SLC4A10: variants seen among roughly 807,000 people sequenced by gnomAD.
SLC4A10 encodes the protein sodium-driven chloride bicarbonate exchanger.
SLC4A10 carries 42 observed loss-of-function variants against 137.7 expected under a neutral mutation model. The ratio of observed to expected loss-of-function variants is 0.30; its 90% CI spans 0.24 to 0.39. The LOEUF is 0.39. Among genes scored for constraint, SLC4A10 ranks in the 10% least tolerant of loss-of-function variants. The probability of loss-of-function intolerance (pLI) is 1.00; values close to 1 mark genes in which losing one functional copy is unlikely to be tolerated. For missense variants in SLC4A10, 925 were observed against 1,355.0 expected, an observed-to-expected ratio of 0.68 and a Z score of 4.98; for synonymous variants, 474 against 464.1, an observed-to-expected ratio of 1.02 and a Z score of -0.27.
chr2:161,933,710 A>G (rs1352762514), intron 15 of SLC4A10, among the ~76,000 whole-genome samples: 1 of 152,110 alleles, frequency 6.6e-6, no homozygotes, highest in Admixed American at 6.6e-5. Flanking sequence ...GCCATGTTTG[A>G]CTTATCCTTT....
chr2:161,896,699 C>CATTTGA (rs1318392917), intron 11 of SLC4A10, among the ~76,000 whole-genome samples: 3 of 151,958 alleles, frequency 2.0e-5, no homozygotes, highest in Admixed American at 6.6e-5. Context: ...TAGCATAACC[C>CATTTGA]ATCAAGAAGA....
intron 1 of SLC4A10, among the ~76,000 whole-genome samples, chr2:161,764,182 A>G (rs571852851): frequency 1.1e-4 from 16 of 152,298 alleles, no homozygotes; most frequent in African/African-American, 3.4e-4. Context: ...CTATAAAATG[A>G]ATAAGAAGGA....
At chr2:161,840,021 T>C (rs537533168) in intron 4 of SLC4A10, 94 bp downstream of exon 4, 4 of 1,448,856 alleles carry the variant, frequency 2.8e-6, no homozygotes, top group Non-Finnish European at 3.8e-6. Context: ...CAAACATCTA[T>C]GATTGCTGCT....
At chr2:161,797,275 A>G (rs1425545736) in intron 2 of SLC4A10, among the ~76,000 whole-genome samples, 1 of 151,964 alleles carries the variant, frequency 6.6e-6, no homozygotes, top group Admixed American at 6.6e-5. Flanking sequence ...TCCTTTTTCT[A>G]AATTTTTCAC....
At position 161,794,555 on chromosome 2, in the gene SLC4A10, G is replaced by T. The variant is rs553610041; in HGVS notation, c.131-9894G>T. The stretch of plus-strand genomic sequence containing the variant: ...ATATACCTAAGGTAGACACACTGAA[G>T]AAGATGGATATATGAAAAAGTCTAA... On this transcript the variant is annotated intron_variant, in intron 2 of 26. Coordinates refer to ENST00000446997, the MANE Select transcript of SLC4A10 (RefSeq NM_001178015.2). Among the ~76,000 whole-genome samples, 7 of 152,220 alleles carry T rather than the reference G, an allele frequency of 4.6e-5. No homozygotes were observed. In the South Asian group the frequency reaches 1.5e-3, roughly 32 times the overall value.
Position 161,664,977 on chromosome 2 carries a change from A to C in SLC4A10, c.48+40411A>C, listed in dbSNP as rs187997937. Among the ~76,000 whole-genome samples the C allele has an allele frequency of 1.9e-3, 282 of 151,968 alleles. 1 individual carries two copies. Among genetic ancestry groups the C allele is most frequent in the African/African-American group, 6.2e-3 (257 of 41,546 alleles). Reference sequence around the variant, plus strand: ...ATTTCACTTTAATGAATGTGCTACAATTAAAATTTGAAACATATTTATAGA... The same window carrying C: ...ATTTCACTTTAATGAATGTGCTACACTTAAAATTTGAAACATATTTATAGA... On this transcript the variant is annotated intron_variant, in intron 1 of 26. Coordinates refer to ENST00000446997, the MANE Select transcript of SLC4A10 (RefSeq NM_001178015.2).
chr2:161,649,546 T>G (rs1029996881), intron 1 of SLC4A10, among the ~76,000 whole-genome samples: 2 of 152,210 alleles, frequency 1.3e-5, no homozygotes, highest in African/African-American at 2.4e-5. Flanking sequence ...GACTTATAGA[T>G]TCTGACATTT....
chr2:161,777,744 C>A (rs571960042), intron 2 of SLC4A10, among the ~76,000 whole-genome samples: 2 of 152,100 alleles, frequency 1.3e-5, no homozygotes, highest in South Asian at 2.1e-4. Context: ...ATTCAGTCAT[C>A]TTCCACTGGG....
At chr2:161,664,269 G>A (rs575731903) in intron 1 of SLC4A10, among the ~76,000 whole-genome samples, 6 of 151,922 alleles carry the variant, frequency 3.9e-5, no homozygotes, top group African/African-American at 1.2e-4. Flanking sequence ...AATAGTTGAC[G>A]CTTTTGTGCA....
chr2:161,668,239 A>T (rs1295871561), intron 1 of SLC4A10, among the ~76,000 whole-genome samples: 1 of 151,790 alleles, frequency 6.6e-6, no homozygotes, highest in Non-Finnish European at 1.5e-5. Context: ...GCTAAAGGGG[A>T]GAGGAAGAAG....
At chr2:161,860,904 A>C (rs1468051749) in intron 5 of SLC4A10, among the ~76,000 whole-genome samples, 1 of 152,210 alleles carries the variant, frequency 6.6e-6, no homozygotes. Context: ...TATATTTTAA[A>C]TGGTTGAAAA....
At chr2:161,697,822 G>GT (rs564858697) in intron 1 of SLC4A10, among the ~76,000 whole-genome samples, 2 of 152,182 alleles carry the variant, frequency 1.3e-5, no homozygotes, top group Non-Finnish European at 2.9e-5. Flanking sequence ...CTTTAAAGTA[G>GT]TTTTTTTCCA....
Position 161,976,741 on chromosome 2 carries a change from T to TG in SLC4A10, c.3228-15dup. ...CTTATGTAATGTTTATTATTTCATT[T>TG]GGGGAAACTCCTGTCTAGAGATGAT... On this transcript the variant is annotated intron_variant, in intron 24 of 26. Transcript: ENST00000446997. 1 of 1,326,482 alleles carries TG rather than the reference T, an allele frequency of 7.5e-7. No homozygotes were observed. The highest frequency in any genetic ancestry group is 1.0e-6 in the Non-Finnish European group (1 of 974,078). 82.2% of individuals were successfully genotyped at this position (1,326,482 alleles called of 1,614,324 possible).
intron 4 of SLC4A10, among the ~76,000 whole-genome samples, chr2:161,845,141 A>G (rs1454720368): frequency 6.6e-6 from 1 of 152,122 alleles, no homozygotes; most frequent in Non-Finnish European, 1.5e-5. Flanking sequence ...ACAAATCTTG[A>G]AACAGTGTCT....
chr2:161,801,173 G>T (rs1487430019), intron 2 of SLC4A10, among the ~76,000 whole-genome samples: 2 of 151,968 alleles, frequency 1.3e-5, no homozygotes, highest in African/African-American at 4.8e-5. Context: ...TGATAATATA[G>T]ATAAGGGTGT....
At position 161,983,370 on chromosome 2, in the gene SLC4A10, T is replaced by C. The variant is rs769003259; in HGVS notation, c.*218T>C. The C allele has an allele frequency of 4.6e-5, 35 of 764,032 alleles. No homozygotes were observed. The highest frequency in any genetic ancestry group is 8.3e-5 in the Admixed American group (3 of 36,236). The allele number at this position is 764,032 out of a possible 1,614,324, so 47.3% of individuals were successfully genotyped here. On this transcript the variant is annotated 3_prime_UTR_variant, in exon 27 of 27. Coordinates refer to ENST00000446997, the MANE Select transcript of SLC4A10 (RefSeq NM_001178015.2). ...AAATCCACCTTCATACTGTAAGTAG[T>C]GCAATACTTGTTTCATTTCTGTGTT...
chr2:161,933,184 TTTCTTTCTTTC>T (rs1690782431), intron 15 of SLC4A10, among the ~76,000 whole-genome samples: 72 of 10,138 alleles, frequency 7.1e-3, no homozygotes, highest in Middle Eastern at 0.045. Context: ...CCTTCCTTCT[TTTCTTTCTTTC>T]TTTCTTTCTT....
intron 1 of SLC4A10, among the ~76,000 whole-genome samples, chr2:161,703,985 C>T (rs766445057): frequency 2.6e-5 from 4 of 151,594 alleles, no homozygotes; most frequent in East Asian, 1.9e-4. Context: ...ATTATACATA[C>T]GTGGTGACCT....
rs1038800448 is a variant in SLC4A10, at chr2:161,691,047, T to C, written c.48+66481T>C. 3.3e-5 allele frequency among the ~76,000 whole-genome samples: 5 copies of C among 152,264 alleles called. No individual in the cohort carries two copies. In the East Asian group the frequency reaches 9.6e-4, roughly 29 times the overall value. On this transcript the variant is annotated intron_variant, in intron 1 of 26. Coordinates refer to ENST00000446997, the MANE Select transcript of SLC4A10 (RefSeq NM_001178015.2). ...TTGATTTCCATATGCATATAGACAC[T>C]ATATATGTACATATAGGTACATACA...
Sources: gnomAD v4.1 joint callset for allele counts (sites outside exome capture counted in the v4.1 genomes callset) on GRCh38, gnomAD v4.1.1 for gene constraint, MANE v1.5 for transcripts, NCBI Gene and HGNC (gene_info 2026-07-23, HGNC 2026-07-21) for gene names.